Variants in NDST1 observed in about 807,000 individuals in gnomAD.
NDST1 encodes N-deacetylase and N-sulfotransferase 1, also known as bifunctional heparan sulfate N-deacetylase/N-sulfotransferase 1.
Under a neutral mutation model 92.8 loss-of-function variants are expected in NDST1, and 35 were observed. That is an observed-to-expected ratio of 0.38 (90% confidence interval 0.29 to 0.50). The LOEUF is 0.50. Ranked by LOEUF, NDST1 falls within the 20% of genes least tolerant of loss-of-function variation. NDST1 has a pLI of 0.94. For synonymous variants in NDST1, 493 were observed against 500.3 expected (o/e 0.99, Z 0.19); for missense variants, 822 against 1,182.7 (o/e 0.69, Z 4.47).
At chr5:150,537,648 G>T (rs181405354) in intron 6 of NDST1, among the ~76,000 whole-genome samples, 1 of 152,162 alleles carries the variant, frequency 6.6e-6, no homozygotes, top group African/African-American at 2.4e-5. Context: ...ATTTCGCCCC[G>T]TCCTGTGATC....
At chr5:150,538,147 CG>C (rs1561603140) in intron 6 of NDST1, among the ~76,000 whole-genome samples, 1 of 151,842 alleles carries the variant, frequency 6.6e-6, no homozygotes, top group Non-Finnish European at 1.5e-5. Context: ...GGCCCTGAAG[CG>C]GGCTGTGCTG....
At position 150,540,067 on chromosome 5, in the gene NDST1, C is replaced by T; in HGVS notation, c.1567-15C>T. Reference sequence around the variant, plus strand: ...CTGATGGGCCCTGCCTCTCTCCTCCCCTCCCCTGGAGCAGATCAGCATCTT... The same window carrying T: ...CTGATGGGCCCTGCCTCTCTCCTCCTCTCCCCTGGAGCAGATCAGCATCTT... On this transcript the variant is annotated splice_polypyrimidine_tract_variant and intron_variant, in intron 7 of 14. Coordinates refer to ENST00000261797, the MANE Select transcript of NDST1 (RefSeq NM_001543.5). 1 of 1,614,160 alleles carries T rather than the reference C, an allele frequency of 6.2e-7. No individual in the cohort carries two copies. Among genetic ancestry groups the T allele is most frequent in the Non-Finnish European group, 8.5e-7 (1 of 1,180,016 alleles).
At chr5:150,544,650 G>T (rs1755399633) in intron 10 of NDST1, among the ~76,000 whole-genome samples, 1 of 152,196 alleles carries the variant, frequency 6.6e-6, no homozygotes, top group Non-Finnish European at 1.5e-5. Flanking sequence ...CCCTGAGTTT[G>T]CATAGGTAGA....
At chr5:150,498,420 A>T (rs957310503) in intron 1 of NDST1, among the ~76,000 whole-genome samples, 1 of 152,236 alleles carries the variant, frequency 6.6e-6, no homozygotes, top group African/African-American at 2.4e-5. Flanking sequence ...GAATTTGCTG[A>T]GTGATCTTGT....
intron 13 of NDST1, 126 bp downstream of exon 13, chr5:150,549,913 T>A: frequency 5.6e-6 from 4 of 709,282 alleles, no homozygotes; most frequent in Non-Finnish European, 1.0e-5. Context: ...GGAAAGTTAT[T>A]AATATGACTT....
chr5:150,537,957 G>T (rs1755069637), intron 6 of NDST1, among the ~76,000 whole-genome samples: 1 of 152,214 alleles, frequency 6.6e-6, no homozygotes, highest in Non-Finnish European at 1.5e-5. Flanking sequence ...CCCAATACAT[G>T]TGTAAAATAT....
rs537306738 is a variant in NDST1, at chr5:150,557,189, C to T, written c.*3857C>T. 488 of 152,636 alleles carry T rather than the reference C, an allele frequency of 3.2e-3. 5 individuals are homozygous for T. The highest frequency in any genetic ancestry group is 2.8e-3 in the Non-Finnish European group (190 of 68,140). The allele number at this position is 152,636 out of a possible 1,614,324, so 9.5% of individuals were successfully genotyped here. A position where few individuals can be genotyped will look rare whatever the true frequency, so the allele number is the denominator to read the frequency against. On this transcript the variant is annotated 3_prime_UTR_variant, in exon 15 of 15. Transcript: ENST00000261797. The surrounding 1 kb of genome is among the most constrained non-coding windows in gnomAD (Gnocchi z 4.7). The stretch of plus-strand genomic sequence containing the variant: ...AGTTAGAGCAAGAGCTCTGGGGGGG[C>T]CGGAAAGTCTCCCTGGAGAAGGCCG...
chr5:150,535,016 G>T lies in NDST1; in HGVS notation c.1246G>T (p.Ala416Ser), dbSNP rs1478993046. The change falls in exon 5 of 15, where the codon GCT (alanine) becomes TCT (serine). Residue 416 changes from alanine to serine, a missense_variant. Ala to Ser is a moderately conservative substitution (Grantham distance 99). Coordinates refer to ENST00000261797, the MANE Select transcript of NDST1 (RefSeq NM_001543.5). Reference sequence around the variant, plus strand: ...GCAGATGGCCTTGAACAAGAAGTTCGCTGTCGTGAGTAAGATTCCTTGCAG... The same window carrying T: ...GCAGATGGCCTTGAACAAGAAGTTCTCTGTCGTGAGTAAGATTCCTTGCAG... ...AEQMALNKKF[A>S]VEHGIPTDMG... The T allele has an allele frequency of 6.2e-7, 1 of 1,613,748 alleles. No individual in the cohort carries two copies. Among genetic ancestry groups the T allele is most frequent in the African/African-American group, 1.3e-5 (1 of 74,942 alleles).
At chr5:150,517,027 A>AT in intron 1 of NDST1, among the ~76,000 whole-genome samples, 1 of 142,030 alleles carries the variant, frequency 7.0e-6, no homozygotes, top group East Asian at 2.1e-4. Context: ...GTATGGCTTT[A>AT]TTGTTTAGAT....
chr5:150,503,377 G>T (rs970495783), upstream of NDST1, among the ~76,000 whole-genome samples: 1 of 152,208 alleles, frequency 6.6e-6, no homozygotes, highest in African/African-American at 2.4e-5. Flanking sequence ...GGGAGGTGGA[G>T]GTTGCTTGTG....
chr5:150,501,538 C>G (rs1341816619), intron 1 of NDST1, among the ~76,000 whole-genome samples: 2 of 152,090 alleles, frequency 1.3e-5, no homozygotes, highest in African/African-American at 4.8e-5. Flanking sequence ...TTTAGCTGGC[C>G]CAGGTTGAGT....
chr5:150,552,757 G>A (rs2151307073), intron 14 of NDST1: 1 of 233,350 alleles, frequency 4.3e-6, no homozygotes, highest in South Asian at 5.8e-5. Flanking sequence ...CCAACTGGGA[G>A]TTCACTATTG....
intron 3 of NDST1, among the ~76,000 whole-genome samples, chr5:150,531,831 C>T (rs373195759): frequency 6.6e-6 from 1 of 151,926 alleles, no homozygotes; most frequent in African/African-American, 2.4e-5. Context: ...CTTTGTGGCT[C>T]GTGTGTCCTA....
At chr5:150,512,762 C>G (rs527414256) in intron 1 of NDST1, among the ~76,000 whole-genome samples, 1 of 152,210 alleles carries the variant, frequency 6.6e-6, no homozygotes, top group African/African-American at 2.4e-5. Context: ...GTTTTACATG[C>G]CTCATCTCTC....
chr5:150,499,070 A>G (rs1288031901), intron 1 of NDST1, among the ~76,000 whole-genome samples: 1 of 152,208 alleles, frequency 6.6e-6, no homozygotes, highest in Non-Finnish European at 1.5e-5. Context: ...AAGCCTTCCA[A>G]GGTACCTCAG....
At chr5:150,500,286 A>T (rs1220813544) in intron 1 of NDST1, among the ~76,000 whole-genome samples, 1 of 149,252 alleles carries the variant, frequency 6.7e-6, no homozygotes, top group Non-Finnish European at 1.5e-5. Context: ...GAGAACATTC[A>T]GACCAGGGGG....
Position 150,535,977 on chromosome 5 carries a change from G to A in NDST1, c.1437+92G>A. 3 of 1,450,400 alleles carry A rather than the reference G, an allele frequency of 2.1e-6. No individual in the cohort carries two copies. The South Asian group carries it at 3.6e-5, about 18-fold the overall frequency. 89.8% of individuals were successfully genotyped at this position (1,450,400 alleles called of 1,614,324 possible). A position where few individuals can be genotyped will look rare whatever the true frequency, so the allele number is the denominator to read the frequency against. On this transcript the variant is annotated intron_variant, in intron 6 of 14. Coordinates refer to ENST00000261797, the MANE Select transcript of NDST1 (RefSeq NM_001543.5). ...ACGCTGTCCTGGTAAGCACGGCTCT[G>A]GTTTGCTGGCTTAGGGGTTGCAGAT...
At chr5:150,524,688 T>A (rs1754391123) in intron 2 of NDST1, among the ~76,000 whole-genome samples, 1 of 152,214 alleles carries the variant, frequency 6.6e-6, no homozygotes, top group South Asian at 2.1e-4. Context: ...ACAGGTTGAG[T>A]GTCCCTTGTC....
At chr5:150,506,044 A>C (rs1369687590), upstream of NDST1, among the ~76,000 whole-genome samples, 5 of 152,148 alleles carry the variant, frequency 3.3e-5, no homozygotes, top group Non-Finnish European at 7.3e-5. Context: ...GCCTAGGATG[A>C]GGCAAGTGAG....
Sources: allele counts gnomAD v4.1 joint callset (sites outside exome capture counted in the v4.1 genomes callset), GRCh38; gene constraint gnomAD v4.1.1; non-coding constraint Gnocchi (gnomAD v3.1); transcripts MANE v1.5; gene names NCBI Gene and HGNC (gene_info 2026-07-23, HGNC 2026-07-21).